Variants in PXDNL observed in about 807,000 individuals in gnomAD.
PXDNL encodes probable oxidoreductase PXDNL.
In PXDNL, 145 loss-of-function variants were observed where a neutral mutation model predicts 150.8. That is an observed-to-expected ratio of 0.96 (90% confidence interval 0.84 to 1.10). The LOEUF is 1.10. PXDNL is among the 50% of genes least tolerant of loss of function. PXDNL has a pLI of 0.00. For missense variants in PXDNL, 2,087 were observed against 1,873.9 expected (o/e 1.11, Z -2.10); for synonymous variants, 757 against 725.7 (o/e 1.04, Z -0.69).
At chr8:51,595,521 G>T (rs943565042) in intron 2 of PXDNL, among the ~76,000 whole-genome samples, 1 of 151,950 alleles carries the variant, frequency 6.6e-6, no homozygotes, top group Non-Finnish European at 1.5e-5. Flanking sequence ...TTTTGTAAGG[G>T]GCAATCATGT....
intron 12 of PXDNL, among the ~76,000 whole-genome samples, chr8:51,442,045 T>G (rs1179746165): frequency 1.3e-5 from 2 of 151,974 alleles, no homozygotes; most frequent in Admixed American, 6.6e-5. Flanking sequence ...TCTGTACCCT[T>G]ATTGGGAAGG....
At chr8:51,411,458 A>G (rs1586084869) in intron 15 of PXDNL, 51 bp from the exon 16 acceptor site, 1 of 1,485,814 alleles carries the variant, frequency 6.7e-7, no homozygotes, top group East Asian at 2.6e-5. Context: ...AGCAGAGTCC[A>G]TGAAGCTTGC....
At chr8:51,631,178 G>C (rs144872613) in intron 2 of PXDNL, among the ~76,000 whole-genome samples, 1 of 152,024 alleles carries the variant, frequency 6.6e-6, no homozygotes, top group Non-Finnish European at 1.5e-5. Flanking sequence ...ACTAATGCAG[G>C]AACAGAAAAC....
chr8:51,789,605 T>C (rs1161380654), intron 1 of PXDNL, among the ~76,000 whole-genome samples: 3 of 152,260 alleles, frequency 2.0e-5, no homozygotes, highest in African/African-American at 7.2e-5. Flanking sequence ...CATGACATCA[T>C]GCCTGTGCAA....
chr8:51,748,698 GT>G (rs2037012419), intron 1 of PXDNL, among the ~76,000 whole-genome samples: 1 of 152,112 alleles, frequency 6.6e-6, no homozygotes, highest in South Asian at 2.1e-4. Context: ...ACAACACGAG[GT>G]CACGAGCCCC....
intron 1 of PXDNL, among the ~76,000 whole-genome samples, chr8:51,700,569 TATATACCC>T (rs1005154174): frequency 6.6e-6 from 1 of 151,492 alleles, no homozygotes; most frequent in Non-Finnish European, 1.5e-5. Flanking sequence ...CACATTTACA[TATATACCC>T]ATATACACAC....
At chr8:51,389,527 G>A (rs1192262954) in intron 17 of PXDNL, among the ~76,000 whole-genome samples, 1 of 152,098 alleles carries the variant, frequency 6.6e-6, no homozygotes, top group Non-Finnish European at 1.5e-5. Context: ...CCTCTGACTA[G>A]GTGGATTCTG....
intron 1 of PXDNL, among the ~76,000 whole-genome samples, chr8:51,655,141 G>A (rs905251387): frequency 6.6e-6 from 1 of 152,140 alleles, no homozygotes; most frequent in African/African-American, 2.4e-5. Flanking sequence ...TATATTAGAT[G>A]TCACATATCA....
chr8:51,734,124 G>A (rs890601298), intron 1 of PXDNL, among the ~76,000 whole-genome samples: 6 of 151,820 alleles, frequency 4.0e-5, no homozygotes, highest in Admixed American at 3.3e-4. Context: ...AGTATAATGC[G>A]GAGCTTTGAA....
At chr8:51,778,132 C>T (rs549869541) in intron 1 of PXDNL, among the ~76,000 whole-genome samples, 21 of 151,940 alleles carry the variant, frequency 1.4e-4, no homozygotes, top group African/African-American at 3.1e-4. Flanking sequence ...GTCAGGAGAT[C>T]GAGACCATCC....
At chr8:51,801,781 G>A (rs569436634) in intron 1 of PXDNL, among the ~76,000 whole-genome samples, 63 of 152,306 alleles carry the variant, frequency 4.1e-4, no homozygotes, top group South Asian at 1.0e-3. Context: ...GGACTGGTAG[G>A]CACTAATTTA....
chr8:51,406,045 C>T (rs1210597609), intron 17 of PXDNL, among the ~76,000 whole-genome samples: 1 of 152,250 alleles, frequency 6.6e-6, no homozygotes, highest in African/African-American at 2.4e-5. Flanking sequence ...TACTTCACAT[C>T]AGCCACTGTA....
At chr8:51,376,741 C>G (rs1362728318) in intron 17 of PXDNL, among the ~76,000 whole-genome samples, 1 of 149,068 alleles carries the variant, frequency 6.7e-6, no homozygotes, top group Admixed American at 6.7e-5. Flanking sequence ...TTTTTTTATA[C>G]GGAGTCTTAC....
chr8:51,744,429 A>G (rs549876071), intron 1 of PXDNL, among the ~76,000 whole-genome samples: 1 of 151,374 alleles, frequency 6.6e-6, no homozygotes, highest in African/African-American at 2.4e-5. Context: ...ACACTTTGGG[A>G]GGCCGAGGTG....
At chr8:51,428,549 G>T (rs7837612) in intron 12 of PXDNL, among the ~76,000 whole-genome samples, 1 of 152,126 alleles carries the variant, frequency 6.6e-6, no homozygotes, top group African/African-American at 2.4e-5. Context: ...ACAGCAGACA[G>T]CCCAGTAATA....
In PXDNL at chr8:51,391,390, C is replaced by T. The variant is rs536568835; in HGVS notation, c.3558-16659G>A. Among the ~76,000 whole-genome samples, 3 of 152,260 alleles carry T rather than the reference C, an allele frequency of 2.0e-5. No homozygotes were observed. In the South Asian group the frequency reaches 6.2e-4, roughly 32 times the overall value. On this transcript the variant is annotated intron_variant, in intron 17 of 22. Coordinates refer to ENST00000356297, the MANE Select transcript of PXDNL (RefSeq NM_144651.5). ...AAAAGTGTTCCTATTTCTCCACATCCTCTCCAGCACCTGTTGTTTCCTGAC... is the reference window on the plus strand; with the variant it reads ...AAAAGTGTTCCTATTTCTCCACATCTTCTCCAGCACCTGTTGTTTCCTGAC...
intron 19 of PXDNL, among the ~76,000 whole-genome samples, chr8:51,351,540 C>G (rs143818055): frequency 1.3e-5 from 2 of 152,344 alleles, no homozygotes; most frequent in African/African-American, 4.8e-5. Context: ...TGATCTTAGA[C>G]TCCCAGCCTC....
At chr8:51,550,065 T>C (rs57085864) in intron 4 of PXDNL, among the ~76,000 whole-genome samples, 3,971 of 152,210 alleles carry the variant, frequency 0.026, 95 homozygotes, top group African/African-American at 0.06. Context: ...TTCGTGTGCA[T>C]AGACTAGAAA....
intron 1 of PXDNL, among the ~76,000 whole-genome samples, chr8:51,710,950 T>C (rs1040095269): frequency 1.3e-5 from 2 of 151,896 alleles, no homozygotes; most frequent in African/African-American, 2.4e-5. Context: ...TCCTCTAACA[T>C]CAAGAACAAG....
Sources: gnomAD v4.1 joint callset for allele counts (sites outside exome capture counted in the v4.1 genomes callset) on GRCh38, gnomAD v4.1.1 for gene constraint, MANE v1.5 for transcripts, NCBI Gene and HGNC (gene_info 2026-07-23, HGNC 2026-07-21) for gene names.